Variants in IQSEC1 observed in about 807,000 individuals in gnomAD.
IQSEC1 encodes the protein IQ motif and SEC7 domain-containing protein 1.
In IQSEC1, 31 loss-of-function variants were observed where a neutral mutation model predicts 91.0. The ratio of observed to expected loss-of-function variants is 0.34; its 90% CI spans 0.26 to 0.46. The LOEUF is 0.46. IQSEC1 is among the 20% of genes least tolerant of loss of function. The pLI, the probability that IQSEC1 is intolerant of heterozygous loss-of-function variation, is 1.00. For synonymous variants in IQSEC1, 699 were observed against 662.6 expected, an observed-to-expected ratio of 1.05 and a Z score of -0.84; for missense variants, 1,388 against 1,575.6, an observed-to-expected ratio of 0.88 and a Z score of 2.02.
Position 12,909,488 on chromosome 3 carries a change from C to T in IQSEC1, c.2417-54G>A, listed in dbSNP as rs900961742. The T allele has an allele frequency of 1.5e-5, 23 of 1,530,790 alleles. No individual in the cohort carries two copies. In the African/African-American group the frequency reaches 2.7e-4, roughly 18 times the overall value. The allele number at this position is 1,530,790 out of a possible 1,614,324, so 94.8% of individuals were successfully genotyped here. ...CCCACGGGTCTCAGTGTGTTCTCTGCAATCTCCTCTCTGGTCAGGAAACAA... is the reference window on the plus strand; with the variant it reads ...CCCACGGGTCTCAGTGTGTTCTCTGTAATCTCCTCTCTGGTCAGGAAACAA... On this transcript the variant is annotated intron_variant, in intron 10 of 13. Coordinates refer to ENST00000613206, the MANE Select transcript of IQSEC1 (RefSeq NM_001134382.3). This position sits in a 1 kb window ranked among gnomAD's most constrained non-coding sequence, Gnocchi z 4.9.
intron 1 of IQSEC1, among the ~76,000 whole-genome samples, chr3:13,216,202 C>T (rs184674418): frequency 6.6e-5 from 10 of 152,350 alleles, no homozygotes; most frequent in South Asian, 2.1e-4. Context: ...AATTGCTCAA[C>T]GGTAGGAGGT....
At chr3:13,002,642 T>C (rs1702469301) in intron 1 of IQSEC1, among the ~76,000 whole-genome samples, 1 of 151,370 alleles carries the variant, frequency 6.6e-6, no homozygotes, top group African/African-American at 2.4e-5. Context: ...CATGACTCAA[T>C]AACAAGGAGA....
chr3:13,027,655 G>T (rs891296117), intron 1 of IQSEC1, among the ~76,000 whole-genome samples: 5 of 152,144 alleles, frequency 3.3e-5, no homozygotes, highest in African/African-American at 1.2e-4. Flanking sequence ...TGGGTTGCTG[G>T]CCTGAACAAC....
intron 1 of IQSEC1, among the ~76,000 whole-genome samples, chr3:13,060,418 G>T (rs1275467039): frequency 6.6e-6 from 1 of 152,208 alleles, no homozygotes; most frequent in Non-Finnish European, 1.5e-5. Context: ...GCTGGATCCG[G>T]GTTTGAAGTC....
rs1221815166 is a variant in IQSEC1, at chr3:12,902,654, A to G, written c.2805+119T>C. 14 of 599,714 alleles carry G rather than the reference A, an allele frequency of 2.3e-5. No homozygotes were observed. The East Asian group carries it at 2.7e-4, about 12-fold the overall frequency. The allele number at this position is 599,714 out of a possible 1,614,324, so 37.1% of individuals were successfully genotyped here. A position where few individuals can be genotyped will look rare whatever the true frequency, so the allele number is the denominator to read the frequency against. Reference sequence around the variant, plus strand: ...GGGGAAGGAAAAGCCAAAAAAAAAAACAACAAAAAAAAAACCAAAAAAAAA... The same window carrying G: ...GGGGAAGGAAAAGCCAAAAAAAAAAGCAACAAAAAAAAAACCAAAAAAAAA... On this transcript the variant is annotated intron_variant, in intron 13 of 13. Transcript: ENST00000613206.
intron 2 of IQSEC1, among the ~76,000 whole-genome samples, chr3:13,105,520 C>T (rs1706139547): frequency 6.6e-6 from 1 of 152,192 alleles, no homozygotes; most frequent in Non-Finnish European, 1.5e-5. Context: ...CTGAAAAACA[C>T]GTGGAAGCTG....
In IQSEC1 at chr3:12,919,909, C is replaced by T. The variant is rs540592707; in HGVS notation, c.2020+521G>A. Among the ~76,000 whole-genome samples, 4 of 152,322 alleles carry T rather than the reference C, an allele frequency of 2.6e-5. No individual in the cohort carries two copies. In the East Asian group the frequency reaches 7.7e-4, roughly 29 times the overall value. On this transcript the variant is annotated intron_variant, in intron 6 of 13. Transcript: ENST00000613206. ...CCGCACCAACACCTCCCAGCACATG[C>T]CCACCTCCCTGAGGGCAGGGAGCCG...
At chr3:13,049,423 G>A (rs1305842734) in intron 1 of IQSEC1, among the ~76,000 whole-genome samples, 1 of 152,128 alleles carries the variant, frequency 6.6e-6, no homozygotes, top group Non-Finnish European at 1.5e-5. Flanking sequence ...ACCTACTGCA[G>A]GGAGCCCACC....
chr3:13,040,053 ACACT>A (rs993219582), intron 1 of IQSEC1, among the ~76,000 whole-genome samples: 4 of 152,218 alleles, frequency 2.6e-5, no homozygotes, highest in African/African-American at 9.7e-5. Context: ...CATGTAGCAG[ACACT>A]CACTGAGCTT....
At chr3:13,231,200 A>C (rs1379843216) in intron 1 of IQSEC1, among the ~76,000 whole-genome samples, 3 of 152,222 alleles carry the variant, frequency 2.0e-5, no homozygotes, top group African/African-American at 7.2e-5. Context: ...TGATGCAAAA[A>C]ATTTGGAAAT....
At chr3:13,199,091 C>T (rs1476785176) in intron 1 of IQSEC1, among the ~76,000 whole-genome samples, 3 of 152,182 alleles carry the variant, frequency 2.0e-5, no homozygotes, top group Non-Finnish European at 2.9e-5. Context: ...CATGGCACGG[C>T]GGGGGTGCGA....
chr3:13,113,997 C>T (rs754413737), intron 2 of IQSEC1, among the ~76,000 whole-genome samples: 3 of 152,246 alleles, frequency 2.0e-5, no homozygotes, highest in Non-Finnish European at 4.4e-5. Context: ...CGATGAGACT[C>T]TGTTCACGAG....
chr3:12,926,469 C>T (rs577369532), intron 3 of IQSEC1, among the ~76,000 whole-genome samples: 2 of 152,334 alleles, frequency 1.3e-5, no homozygotes, highest in South Asian at 2.1e-4. Flanking sequence ...TCCCCTTGGA[C>T]GGAGTCCTCA....
rs1429922570 is a variant in IQSEC1, at chr3:12,897,797, CAA to C, written c.*3184_*3185del. On this transcript the variant is annotated 3_prime_UTR_variant, in exon 14 of 14. Coordinates refer to ENST00000613206, the MANE Select transcript of IQSEC1 (RefSeq NM_001134382.3). The stretch of plus-strand genomic sequence containing the variant: ...TGTCTTTTCAGCTCATTAAGAAAAA[CAA>C]GAGGCTCCTGCTGCATGCAGTGTGT... The C allele has an allele frequency of 1.3e-5, 2 of 152,230 alleles. No homozygotes were observed. Among genetic ancestry groups the C allele is most frequent in the African/African-American group, 2.4e-5 (1 of 41,470 alleles). 9.4% of individuals were successfully genotyped at this position (152,230 alleles called of 1,614,324 possible). A position where few individuals can be genotyped will look rare whatever the true frequency, so the allele number is the denominator to read the frequency against.
chr3:12,976,138 C>G (rs900979928), intron 1 of IQSEC1, among the ~76,000 whole-genome samples: 1 of 152,242 alleles, frequency 6.6e-6, no homozygotes, highest in Non-Finnish European at 1.5e-5. Context: ...TTACACCCAG[C>G]CTGCTCCCTG....
At chr3:13,040,105 C>T (rs1281453233) in intron 1 of IQSEC1, among the ~76,000 whole-genome samples, 1 of 152,246 alleles carries the variant, frequency 6.6e-6, no homozygotes, top group African/African-American at 2.4e-5. Flanking sequence ...TCCCCTGACA[C>T]ACACCTAGGC....
chr3:13,035,015 G>A (rs565531463), intron 1 of IQSEC1, among the ~76,000 whole-genome samples: 1 of 152,350 alleles, frequency 6.6e-6, no homozygotes, highest in South Asian at 2.1e-4. Flanking sequence ...GCTCTGTCCT[G>A]CTTTCTCCTC....
chr3:12,900,521 A>G lies in IQSEC1; in HGVS notation c.*462T>C, dbSNP rs924959957. 12 of 925,602 alleles carry G rather than the reference A, an allele frequency of 1.3e-5. No homozygotes were observed. In the African/African-American group the frequency reaches 1.4e-4, roughly 11 times the overall value. 57.3% of individuals were successfully genotyped at this position (925,602 alleles called of 1,614,324 possible). On this transcript the variant is annotated 3_prime_UTR_variant, in exon 14 of 14. Coordinates refer to ENST00000613206, the MANE Select transcript of IQSEC1 (RefSeq NM_001134382.3). ...TTACTTACGTATTTTCATCAACCAT[A>G]TCAGGTCTACTTATTTTTTTGCCCA...
At chr3:12,996,809 G>A (rs968653584) in intron 1 of IQSEC1, among the ~76,000 whole-genome samples, 2 of 152,220 alleles carry the variant, frequency 1.3e-5, no homozygotes, top group Admixed American at 6.5e-5. Flanking sequence ...GTAATTAAAT[G>A]TATATTAAAG....
Sources: allele counts gnomAD v4.1 joint callset (sites outside exome capture counted in the v4.1 genomes callset), GRCh38; gene constraint gnomAD v4.1.1; non-coding constraint Gnocchi (gnomAD v3.1); transcripts MANE v1.5; gene names NCBI Gene and HGNC (gene_info 2026-07-23, HGNC 2026-07-21).